The following SEH1L variants were observed in gnomAD, a reference collection of about 807,000 sequenced individuals.
SEH1L encodes the protein SEH1 like nucleoporin.
A neutral mutation model predicts 49.5 loss-of-function variants in SEH1L; 18 were observed. The ratio of observed to expected loss-of-function variants is 0.36; its 90% CI spans 0.25 to 0.54. The LOEUF (loss-of-function observed/expected upper bound fraction) is 0.54, where lower values mean the gene tolerates loss of function less well. SEH1L is among the 20% of genes least tolerant of loss of function. The pLI, the probability that SEH1L is intolerant of heterozygous loss-of-function variation, is 0.87. For synonymous variants in SEH1L, 169 were observed against 178.1 expected (o/e 0.95, Z 0.41); for missense variants, 404 against 528.8 (o/e 0.76, Z 2.31).
Position 12,971,149 on chromosome 18 carries a change from C to G in SEH1L, c.522-4C>G. 1 of 1,605,404 alleles carries G rather than the reference C, an allele frequency of 6.2e-7. No individual in the cohort carries two copies. Among genetic ancestry groups the G allele is most frequent in the Non-Finnish European group, 8.5e-7 (1 of 1,172,206 alleles). ...TCTAAAATGTTCTTTCTCCCCGTTT[C>G]TAGCTCTCGTGCTCATTCCCCCATG... On this transcript the variant is annotated splice_region_variant and splice_polypyrimidine_tract_variant and intron_variant, in intron 4 of 8. Transcript: ENST00000399892.
At chr18:12,972,569 T>A (rs541347691) in intron 5 of SEH1L, 1 of 152,292 alleles carries the variant, frequency 6.6e-6, no homozygotes, top group African/African-American at 2.4e-5. Flanking sequence ...AATAGTCAGA[T>A]CTTAGGCAGG....
At chr18:12,963,912 C>T (rs2031311681) in intron 4 of SEH1L, among the ~76,000 whole-genome samples, 1 of 152,190 alleles carries the variant, frequency 6.6e-6, no homozygotes, top group African/African-American at 2.4e-5. Context: ...GGGGTTTTAC[C>T]ATGTTGGCCA....
chr18:12,984,341 A>C (rs2902856), intron 8 of SEH1L, 151 bp downstream of exon 8: 543,756 of 838,334 alleles, frequency 0.65, 180,967 homozygotes, highest in African/African-American at 0.89. Context: ...TTTGTTAGCT[A>C]TGTATTTGGC....
chr18:12,948,544 C>A (rs1038426403), intron 1 of SEH1L: 2 of 230,724 alleles, frequency 8.7e-6, no homozygotes, highest in Non-Finnish European at 1.7e-5. Flanking sequence ...GGCATCCCAC[C>A]GTCAGCCTCG....
At chr18:12,956,245 T>C (rs2030851075) in intron 3 of SEH1L, among the ~76,000 whole-genome samples, 1 of 151,958 alleles carries the variant, frequency 6.6e-6, no homozygotes, top group Non-Finnish European at 1.5e-5. Flanking sequence ...GGGGTTTCAC[T>C]GTGCTAGCCA....
In SEH1L at chr18:12,955,553, G is replaced by A. The variant is rs1237584951; in HGVS notation, c.253G>A (p.Val85Ile). The change falls in exon 3 of 9, where the codon GTA becomes ATA. Residue 85 changes from valine (V) to isoleucine (I), a missense_variant. By Grantham distance (29) the Val-to-Ile change is conservative. Coordinates refer to ENST00000399892, the MANE Select transcript of SEH1L (RefSeq NM_001013437.2). ...ASCSFDRTAA[V>I]WEEIVGESND... Reference sequence around the variant, plus strand: ...CTGTTCTTTTGACCGAACAGCTGCTGTATGGGAAGAAATAGTAGGAGAATC... The same window carrying A: ...CTGTTCTTTTGACCGAACAGCTGCTATATGGGAAGAAATAGTAGGAGAATC... 1.2e-6 allele frequency: 2 copies of A among 1,613,838 alleles called. No homozygotes were observed. The highest frequency in any genetic ancestry group is 2.2e-5 in the East Asian group (1 of 44,882).
intron 6 of SEH1L, 66 bp from the exon 7 acceptor site, chr18:12,982,434 CGTGTGTATATATATATGT>C (rs1555693623): frequency 8.6e-6 from 8 of 930,250 alleles, no homozygotes; most frequent in South Asian, 2.0e-5. Flanking sequence ...TAGAATTTTA[CGTGTGTATATATATATGT>C]GTGTGTATAT....
At chr18:12,982,437 G>T in intron 6 of SEH1L, 81 bp from the exon 7 acceptor site, 1 of 965,682 alleles carries the variant, frequency 1.0e-6, no homozygotes, top group Non-Finnish European at 1.5e-6. Flanking sequence ...AATTTTACGT[G>T]TGTATATATA....
intron 6 of SEH1L, among the ~76,000 whole-genome samples, chr18:12,980,383 C>T (rs1486509615): frequency 1.8e-5 from 2 of 111,776 alleles, no homozygotes; most frequent in Non-Finnish European, 3.8e-5. Flanking sequence ...GACCCCCCCA[C>T]CTCCCTCCCG....
At chr18:12,986,256 A>G (rs1485697068) in intron 8 of SEH1L, 1 of 985,248 alleles carries the variant, frequency 1.0e-6, no homozygotes, top group Non-Finnish European at 1.2e-6. Flanking sequence ...GTAAGTTACA[A>G]GATGGAAGAA....
chr18:12,949,053 G>A (rs1412244112), intron 1 of SEH1L, among the ~76,000 whole-genome samples: 6 of 151,402 alleles, frequency 4.0e-5, no homozygotes, highest in African/African-American at 7.3e-5. Flanking sequence ...TAGAGACAGA[G>A]TTTCACCATG....
At chr18:12,948,686 C>T (rs2030282396) in intron 1 of SEH1L, 1 of 156,854 alleles carries the variant, frequency 6.4e-6, no homozygotes, top group African/African-American at 2.4e-5. Flanking sequence ...ATGGTTTTCT[C>T]CGTGGGTTCA....
intron 3 of SEH1L, among the ~76,000 whole-genome samples, chr18:12,961,175 C>T (rs1179941884): frequency 1.3e-5 from 2 of 152,148 alleles, no homozygotes; most frequent in African/African-American, 4.8e-5. Context: ...CGCAGATGCT[C>T]ACTTGAGGCG....
chr18:12,982,802 T>A, intron 7 of SEH1L, 127 bp downstream of exon 7: 1 of 705,028 alleles, frequency 1.4e-6, no homozygotes, highest in South Asian at 2.6e-5. Context: ...CATATTAATT[T>A]ATGTTATTTT....
chr18:12,948,240 C>G lies in SEH1L; in HGVS notation c.111+8C>G. 1 of 1,601,774 alleles carries G rather than the reference C, an allele frequency of 6.2e-7. No individual in the cohort carries two copies. Among genetic ancestry groups the G allele is most frequent in the South Asian group, 1.1e-5 (1 of 90,406 alleles). On this transcript the variant is annotated splice_region_variant and intron_variant, in intron 1 of 8. Transcript: ENST00000399892. ...AGCGATCAGAGCGTTAAGGTGCGCG[C>G]GGCGCTTGCGGGCGGGGCCGACCCC... is the stretch of plus-strand genomic sequence containing the variant.
At chr18:12,985,362 A>G (rs1423812064) in intron 8 of SEH1L, 3 of 1,519,666 alleles carry the variant, frequency 2.0e-6, no homozygotes, top group African/African-American at 1.4e-5. Context: ...CTCTCCCAAG[A>G]TACACCAGCA....
intron 5 of SEH1L, chr18:12,978,274 C>T (rs2032007512): frequency 6.5e-6 from 1 of 152,780 alleles, no homozygotes; most frequent in Non-Finnish European, 1.5e-5. Flanking sequence ...GAAATGTATT[C>T]ACTCACAGTT....
intron 5 of SEH1L, chr18:12,978,197 G>A (rs1443817401): frequency 3.9e-5 from 6 of 152,274 alleles, no homozygotes; most frequent in African/African-American, 1.4e-4. Context: ...AGGAGGAAAC[G>A]TGGGAGGTTG....
At chr18:12,982,434 C>CGTGTGTATATATATATGT (rs1555693623) in intron 6 of SEH1L, 84 bp from the exon 7 acceptor site, 2 of 930,250 alleles carry the variant, frequency 2.1e-6, no homozygotes, top group Middle Eastern at 2.4e-4. Context: ...TAGAATTTTA[C>CGTGTGTATATATATATGT]GTGTGTATAT....
Sources: allele counts gnomAD v4.1 joint callset (sites outside exome capture counted in the v4.1 genomes callset), GRCh38; gene constraint gnomAD v4.1.1; transcripts MANE v1.5; gene names NCBI Gene and HGNC (gene_info 2026-07-23, HGNC 2026-07-21).